Variants in PACS1 observed in about 807,000 individuals in gnomAD.
PACS1 encodes the protein PACS-1.
Under a neutral mutation model 115.0 loss-of-function variants are expected in PACS1, and 24 were observed. That is an observed-to-expected ratio of 0.21 (90% confidence interval 0.15 to 0.29). PACS1 has a LOEUF of 0.29. Among genes scored for constraint, PACS1 ranks in the 10% least tolerant of loss-of-function variants. PACS1 has a pLI of 1.00. For synonymous variants in PACS1, 453 were observed against 504.5 expected (o/e 0.90, Z 1.37); for missense variants, 838 against 1,251.2 (o/e 0.67, Z 4.98).
At chr11:66,232,102 A>T (rs1452709601) in intron 13 of PACS1, 70 bp from the exon 14 acceptor site, 1 of 918,146 alleles carries the variant, frequency 1.1e-6, no homozygotes, top group Non-Finnish European at 1.8e-6. Flanking sequence ...CCCATGCACC[A>T]GTCCAGCAGC....
chr11:66,157,294 T>G (rs532428791), intron 1 of PACS1, among the ~76,000 whole-genome samples: 64 of 152,330 alleles, frequency 4.2e-4, no homozygotes, highest in African/African-American at 1.3e-3. Flanking sequence ...GCCAGAATTT[T>G]TCCCTACAAA....
intron 8 of PACS1, chr11:66,220,358 A>AT (rs1855313917): frequency 2.2e-6 from 1 of 445,790 alleles, no homozygotes; most frequent in Non-Finnish European, 4.1e-6. Flanking sequence ...AAGAACCCAC[A>AT]TGGGCGATGG....
intron 1 of PACS1, among the ~76,000 whole-genome samples, chr11:66,132,803 G>GGATT (rs1457618980): frequency 6.6e-6 from 1 of 152,094 alleles, no homozygotes; most frequent in Non-Finnish European, 1.5e-5. Context: ...TGATTAGCTG[G>GGATT]GATTACAGGC....
At chr11:66,191,089 G>A (rs948446629) in intron 1 of PACS1, among the ~76,000 whole-genome samples, 1 of 152,228 alleles carries the variant, frequency 6.6e-6, no homozygotes. Context: ...CACGGAAGGT[G>A]TGGACAGGGT....
intron 1 of PACS1, among the ~76,000 whole-genome samples, chr11:66,183,976 C>G (rs1255577301): frequency 6.6e-6 from 1 of 152,040 alleles, no homozygotes; most frequent in Non-Finnish European, 1.5e-5. Context: ...GTGGTGTTGC[C>G]TCTTCTGTTA....
At chr11:66,215,202 G>A (rs2134707971) in intron 4 of PACS1, among the ~76,000 whole-genome samples, 1 of 152,178 alleles carries the variant, frequency 6.6e-6, no homozygotes, top group Non-Finnish European at 1.5e-5. Context: ...AAAGTGCTGG[G>A]ATTACAGGTG....
intron 1 of PACS1, among the ~76,000 whole-genome samples, chr11:66,127,633 C>CAGA (rs1359720079): frequency 6.6e-6 from 1 of 152,154 alleles, no homozygotes; most frequent in African/African-American, 2.4e-5. Flanking sequence ...GTGTGGTGGG[C>CAGA]AGAACTGTGT....
intron 1 of PACS1, among the ~76,000 whole-genome samples, chr11:66,124,605 T>C (rs1727377448): frequency 6.6e-6 from 1 of 152,224 alleles, no homozygotes; most frequent in African/African-American, 2.4e-5. Context: ...TGCATTTTAA[T>C]GACAAGAACG....
chr11:66,215,647 C>T (rs1276337477), intron 4 of PACS1, among the ~76,000 whole-genome samples: 2 of 151,842 alleles, frequency 1.3e-5, no homozygotes, highest in Non-Finnish European at 2.9e-5. Flanking sequence ...CACTTGTTAT[C>T]CCAGCACTTG....
chr11:66,112,775 G>C (rs767769607), intron 1 of PACS1, among the ~76,000 whole-genome samples: 1 of 152,166 alleles, frequency 6.6e-6, no homozygotes, highest in Non-Finnish European at 1.5e-5. Context: ...AGCCTCTGGT[G>C]CCTTGCTTAT....
chr11:66,151,899 A>G (rs769112977), intron 1 of PACS1, among the ~76,000 whole-genome samples: 26 of 152,212 alleles, frequency 1.7e-4, no homozygotes, highest in Non-Finnish European at 2.8e-4. Flanking sequence ...AAGTGAAAAA[A>G]TGGAAGTTGT....
chr11:66,097,890 A>G (rs1350109196), intron 1 of PACS1, among the ~76,000 whole-genome samples: 3 of 152,172 alleles, frequency 2.0e-5, no homozygotes, highest in Non-Finnish European at 4.4e-5. Flanking sequence ...TATTTTAAAA[A>G]TAGGTAGGTT....
chr11:66,227,492 T>C lies in PACS1; in HGVS notation c.1294-12T>C, dbSNP rs369296719. On this transcript the variant is annotated splice_polypyrimidine_tract_variant and intron_variant, in intron 10 of 23. Transcript: ENST00000320580. ...TTGGATCAGTGATAACTAATTCTTA[T>C]AATTTTTGCAGATGGAATTGGCTGC... The C allele has an allele frequency of 1.0e-4, 158 of 1,523,438 alleles. No homozygotes were observed. Among genetic ancestry groups the C allele is most frequent in the Admixed American group, 3.7e-4 (22 of 58,744 alleles). The allele number at this position is 1,523,438 out of a possible 1,614,324, so 94.4% of individuals were successfully genotyped here.
chr11:66,122,392 A>G (rs893914927), intron 1 of PACS1, among the ~76,000 whole-genome samples: 22 of 152,248 alleles, frequency 1.4e-4, no homozygotes, highest in African/African-American at 5.3e-4. Flanking sequence ...GTTAACCACA[A>G]CATCCATGCA....
chr11:66,090,613 C>T (rs1000209577), intron 1 of PACS1, among the ~76,000 whole-genome samples: 2 of 152,160 alleles, frequency 1.3e-5, no homozygotes, highest in Non-Finnish European at 2.9e-5. Context: ...TGTAGGAAGG[C>T]AACAAGAGCA....
At chr11:66,147,129 T>G (rs1392477915) in intron 1 of PACS1, among the ~76,000 whole-genome samples, 1 of 152,160 alleles carries the variant, frequency 6.6e-6, no homozygotes, top group Non-Finnish European at 1.5e-5. Flanking sequence ...TCCTCAAGTT[T>G]TTTATTGTAA....
intron 16 of PACS1, 91 bp downstream of exon 16, chr11:66,234,030 G>A: frequency 1.9e-6 from 3 of 1,566,204 alleles, no homozygotes; most frequent in East Asian, 2.2e-5. Flanking sequence ...TTGGGGCCTA[G>A]GAAGGGACAG....
At position 66,234,250 on chromosome 11, in the gene PACS1, C is replaced by T. The variant is rs746105776; in HGVS notation, c.2104+8C>T. ...CGGAGCCACCAGTGTCAGGTAATGG[C>T]CCCGTGTAAGGAGCTTACTCCCACC... On this transcript the variant is annotated splice_region_variant and intron_variant, in intron 17 of 23. Transcript: ENST00000320580. 6.3e-7 allele frequency: 1 copy of T among 1,595,408 alleles called. No individual in the cohort carries two copies. Among genetic ancestry groups the T allele is most frequent in the Admixed American group, 1.7e-5 (1 of 60,004 alleles).
Position 66,122,199 on chromosome 11 carries a change from A to G in PACS1, c.356+51357A>G, listed in dbSNP as rs991189819. On this transcript the variant is annotated intron_variant, in intron 1 of 23. Coordinates refer to ENST00000320580, the MANE Select transcript of PACS1 (RefSeq NM_018026.4). ...ACTCTGCCTGTGCTCTATAAATGGAACAAAAAAGCCTGGATGACAGCATAT... is the reference window on the plus strand; with the variant it reads ...ACTCTGCCTGTGCTCTATAAATGGAGCAAAAAAGCCTGGATGACAGCATAT... 5.9e-5 allele frequency among the ~76,000 whole-genome samples: 9 copies of G among 152,216 alleles called. No individual in the cohort carries two copies. The South Asian group carries it at 6.2e-4, about 11-fold the overall frequency.
Sources: gnomAD v4.1 joint callset for allele counts (sites outside exome capture counted in the v4.1 genomes callset) on GRCh38, gnomAD v4.1.1 for gene constraint, MANE v1.5 for transcripts, NCBI Gene and HGNC (gene_info 2026-07-23, HGNC 2026-07-21) for gene names.